Variants in PTPRN2 observed in about 807,000 individuals in gnomAD.
The protein encoded by PTPRN2 is receptor-type tyrosine-protein phosphatase N2.
PTPRN2 carries 74 observed loss-of-function variants against 118.8 expected under a neutral mutation model. The ratio of observed to expected loss-of-function variants is 0.62; its 90% CI spans 0.52 to 0.76. The LOEUF (loss-of-function observed/expected upper bound fraction) is 0.76. Among genes scored for constraint, PTPRN2 ranks in the 30% least tolerant of loss-of-function variants. PTPRN2 has a pLI of 0.00. For synonymous variants in PTPRN2, 641 were observed against 608.0 expected (o/e 1.05, Z -0.80); for missense variants, 1,481 against 1,394.4 (o/e 1.06, Z -0.99).
intron 12 of PTPRN2, among the ~76,000 whole-genome samples, chr7:157,686,387 A>G (rs917595259): frequency 1.3e-5 from 2 of 152,250 alleles, no homozygotes; most frequent in African/African-American, 2.4e-5. Context: ...TTGAGTTCCA[A>G]TAACTTTACA....
At chr7:158,342,284 T>TA (rs201416719) in intron 2 of PTPRN2, among the ~76,000 whole-genome samples, 227 of 26,050 alleles carry the variant, frequency 8.7e-3, no homozygotes, top group Middle Eastern at 0.033. Context: ...ACTCTCACCA[T>TA]AGAGCTGACA....
intron 12 of PTPRN2, among the ~76,000 whole-genome samples, chr7:157,815,096 G>A (rs527530629): frequency 2.6e-5 from 4 of 152,366 alleles, no homozygotes; most frequent in South Asian, 2.1e-4. Flanking sequence ...CAGTGGAGAC[G>A]TGGAAGCAGG....
intron 11 of PTPRN2, among the ~76,000 whole-genome samples, chr7:157,972,163 G>A (rs999930990): frequency 1.3e-5 from 2 of 152,208 alleles, no homozygotes; most frequent in African/African-American, 4.8e-5. Flanking sequence ...TGCACAGCTT[G>A]GAAGTGTAAA....
chr7:157,988,918 C>T (rs1013925843), intron 11 of PTPRN2, among the ~76,000 whole-genome samples: 1 of 152,222 alleles, frequency 6.6e-6, no homozygotes, highest in Non-Finnish European at 1.5e-5. Flanking sequence ...TGAGGAAAAT[C>T]AGGGACACCC....
rs533904952 is a variant in PTPRN2, at chr7:157,813,420, G to T, written c.1788+85253C>A. 7.9e-5 allele frequency among the ~76,000 whole-genome samples: 12 copies of T among 152,216 alleles called. No individual in the cohort carries two copies. The highest frequency in any genetic ancestry group is 2.9e-4 in the African/African-American group (12 of 41,498). ...TCAGAGGCGGACAGGGGTTCGATAC[G>T]CCATTCAGGTCCCCAAAACAGCATG... On this transcript the variant is annotated intron_variant, in intron 12 of 22. Coordinates refer to ENST00000389418, the MANE Select transcript of PTPRN2 (RefSeq NM_002847.5). The surrounding 1 kb of genome is among the most constrained non-coding windows in gnomAD (Gnocchi z 4.7).
At position 158,403,834 on chromosome 7, in the gene PTPRN2, C is replaced by T. The variant is rs552102481; in HGVS notation, c.163+85901G>A. Among the ~76,000 whole-genome samples the T allele has an allele frequency of 2.0e-5, 3 of 152,214 alleles. No individual in the cohort carries two copies. In the South Asian group the frequency reaches 6.2e-4, roughly 32 times the overall value. On this transcript the variant is annotated intron_variant, in intron 2 of 22. Coordinates refer to ENST00000389418, the MANE Select transcript of PTPRN2 (RefSeq NM_002847.5). Reference sequence around the variant, plus strand: ...TGGGATGATGCACTTTGGAAAAAACCATGATGGCTGGAAAGGGGGAAATGA... The same window carrying T: ...TGGGATGATGCACTTTGGAAAAAACTATGATGGCTGGAAAGGGGGAAATGA...
At chr7:157,772,922 T>C (rs1209727321) in intron 12 of PTPRN2, among the ~76,000 whole-genome samples, 3 of 152,176 alleles carry the variant, frequency 2.0e-5, no homozygotes, top group African/African-American at 4.8e-5. Context: ...CTGGGTGATA[T>C]GGTCCAGGCT....
chr7:158,076,881 A>T (rs1438066916), intron 11 of PTPRN2, among the ~76,000 whole-genome samples: 1 of 152,152 alleles, frequency 6.6e-6, no homozygotes, highest in African/African-American at 2.4e-5. Flanking sequence ...ATCCAGAGTG[A>T]TATCACCTTA....
intron 17 of PTPRN2, among the ~76,000 whole-genome samples, chr7:157,582,626 A>G (rs1800455442): frequency 6.6e-6 from 1 of 152,204 alleles, no homozygotes; most frequent in Non-Finnish European, 1.5e-5. Flanking sequence ...CTGTAATCCC[A>G]GCACTTTGGG....
chr7:158,444,330 G>C (rs117511506), intron 2 of PTPRN2, among the ~76,000 whole-genome samples: 1 of 152,266 alleles, frequency 6.6e-6, no homozygotes, highest in Non-Finnish European at 1.5e-5. Flanking sequence ...GAGCCCCAGC[G>C]CCCAGGCGCC....
In PTPRN2 at chr7:157,964,956, T is replaced by C. The variant is rs1801817441; in HGVS notation, c.1724-66219A>G. Among the ~76,000 whole-genome samples, 1 of 152,178 alleles carries C rather than the reference T, an allele frequency of 6.6e-6. No homozygotes were observed. The highest frequency in any genetic ancestry group is 2.4e-5 in the African/African-American group (1 of 41,436). Reference sequence around the variant, plus strand: ...CAACAGAGACCTTTGGGAGTGAGTGTCAGTGCCGTAGCGGAACACAGGGAT... The same window carrying C: ...CAACAGAGACCTTTGGGAGTGAGTGCCAGTGCCGTAGCGGAACACAGGGAT... On this transcript the variant is annotated intron_variant, in intron 11 of 22. Coordinates refer to ENST00000389418, the MANE Select transcript of PTPRN2 (RefSeq NM_002847.5). This position sits in a 1 kb window ranked among gnomAD's most constrained non-coding sequence, Gnocchi z 9.0.
chr7:158,270,783 A>ACCCCCTCCACCTGGGCCG (rs1335812910), intron 3 of PTPRN2, among the ~76,000 whole-genome samples: 1 of 51,272 alleles, frequency 2.0e-5, no homozygotes, highest in Non-Finnish European at 3.4e-5. Context: ...CACCTGGACC[A>ACCCCCTCCACCTGGGCCG]CCCCTCCACC....
At chr7:157,781,215 G>A (rs925533193) in intron 12 of PTPRN2, among the ~76,000 whole-genome samples, 5 of 152,170 alleles carry the variant, frequency 3.3e-5, no homozygotes, top group Non-Finnish European at 7.3e-5. Flanking sequence ...CCAGGTCCAC[G>A]GCTGCTTTTG....
rs1796148488 is a variant in PTPRN2, at chr7:157,881,820, C to A, written c.1788+16853G>T. ...ACCCTAATTAGACTTTTAATAGATCCTTTGTTTCACAGGAATGAAAGTGAA... is the reference window on the plus strand; with the variant it reads ...ACCCTAATTAGACTTTTAATAGATCATTTGTTTCACAGGAATGAAAGTGAA... On this transcript the variant is annotated intron_variant, in intron 12 of 22. Coordinates refer to ENST00000389418, the MANE Select transcript of PTPRN2 (RefSeq NM_002847.5). The surrounding 1 kb of genome is among the most constrained non-coding windows in gnomAD (Gnocchi z 4.7). Among the ~76,000 whole-genome samples, 1 of 151,738 alleles carries A rather than the reference C, an allele frequency of 6.6e-6. No individual in the cohort carries two copies. The highest frequency in any genetic ancestry group is 2.4e-5 in the African/African-American group (1 of 41,278).
intron 5 of PTPRN2, among the ~76,000 whole-genome samples, chr7:158,176,988 TA>T (rs1389725384): frequency 6.6e-6 from 1 of 152,120 alleles, no homozygotes; most frequent in East Asian, 1.9e-4. Flanking sequence ...GAAACAGGGA[TA>T]GGGGAAGGTG....
rs545137554 is a variant in PTPRN2 at position 157,933,955 on chromosome 7, G to C, written c.1724-35218C>G. On this transcript the variant is annotated intron_variant, in intron 11 of 22. Coordinates refer to ENST00000389418, the MANE Select transcript of PTPRN2 (RefSeq NM_002847.5). ...CACTCTAAATGACATTTTTAGAGCA[G>C]GGGTGAGTCACTGATTTGCATTTTT... 2.0e-5 allele frequency among the ~76,000 whole-genome samples: 3 copies of C among 152,232 alleles called. No homozygotes were observed. The East Asian group carries it at 5.8e-4, about 29-fold the overall frequency.
chr7:158,348,639 CAG>C (rs1807715917), intron 2 of PTPRN2, among the ~76,000 whole-genome samples: 1 of 152,178 alleles, frequency 6.6e-6, no homozygotes, highest in Non-Finnish European at 1.5e-5. Flanking sequence ...CCCTCCCTCA[CAG>C]AGTTTTCATG....
At chr7:157,777,756 C>T (rs1408242834) in intron 12 of PTPRN2, among the ~76,000 whole-genome samples, 1 of 152,234 alleles carries the variant, frequency 6.6e-6, no homozygotes, top group Non-Finnish European at 1.5e-5. Flanking sequence ...CATTTATAAT[C>T]AGTCTGCATG....
At chr7:157,685,707 C>T (rs1797153501) in intron 12 of PTPRN2, among the ~76,000 whole-genome samples, 2 of 152,178 alleles carry the variant, frequency 1.3e-5, no homozygotes, top group Non-Finnish European at 2.9e-5. Flanking sequence ...TTGGAGGCCT[C>T]CCTTGGCGCG....
Sources: allele counts gnomAD v4.1 joint callset (sites outside exome capture counted in the v4.1 genomes callset), GRCh38; gene constraint gnomAD v4.1.1; non-coding constraint Gnocchi (gnomAD v3.1); transcripts MANE v1.5; gene names NCBI Gene and HGNC (gene_info 2026-07-23, HGNC 2026-07-21).